MYO16: variants seen among roughly 807,000 people sequenced by gnomAD.
MYO16 encodes myosin XVI, also known as unconventional myosin-XVI.
MYO16 carries 94 observed loss-of-function variants against 205.3 expected under a neutral mutation model. That is an observed-to-expected ratio of 0.46 (90% CI 0.39 to 0.54). The LOEUF is 0.54. Ranked by LOEUF, MYO16 falls within the 20% of genes least tolerant of loss-of-function variation. MYO16 has a pLI of 0.00. For missense variants in MYO16, 2,315 were observed against 2,387.5 expected (o/e 0.97, Z 0.63); for synonymous variants, 988 against 954.0 (o/e 1.04, Z -0.66).
Position 108,765,115 on chromosome 13 carries a change from T to C in MYO16, c.508-20520T>C, listed in dbSNP as rs556660398. Among the ~76,000 whole-genome samples the C allele has an allele frequency of 1.4e-4, 22 of 152,272 alleles. No individual in the cohort carries two copies. In the South Asian group the frequency reaches 3.9e-3, roughly 27 times the overall value. On this transcript the variant is annotated intron_variant, in intron 4 of 34. Coordinates refer to ENST00000457511, the MANE Select transcript of MYO16 (RefSeq NM_001198950.3). ...CTCCACTCTCCCTCTTCCACACACA[T>C]AGGTAAATCATACAAAAAGTAGGTG...
chr13:108,846,855 CTA>C (rs1213624656), intron 10 of MYO16, among the ~76,000 whole-genome samples: 1 of 152,030 alleles, frequency 6.6e-6, no homozygotes, highest in African/African-American at 2.4e-5. Flanking sequence ...TTCAAATTAA[CTA>C]ACATTCAAAA....
At chr13:108,972,854 C>A in intron 20 of MYO16, among the ~76,000 whole-genome samples, 1 of 151,602 alleles carries the variant, frequency 6.6e-6, no homozygotes, top group Non-Finnish European at 1.5e-5. Flanking sequence ...TGTGGGTTTT[C>A]TTTTTTTGTT....
At chr13:108,903,530 T>C (rs1880815713) in intron 15 of MYO16, among the ~76,000 whole-genome samples, 1 of 152,188 alleles carries the variant, frequency 6.6e-6, no homozygotes, top group Admixed American at 6.5e-5. Flanking sequence ...ATGTATTTTT[T>C]GTAGGGCAAA....
intron 4 of MYO16, among the ~76,000 whole-genome samples, chr13:108,749,023 A>G (rs4771601): frequency 0.45 from 68,224 of 151,694 alleles, 15,468 homozygotes; most frequent in East Asian, 0.55. Flanking sequence ...CTCTTTTTTC[A>G]GTTTGGCAGG....
At chr13:108,685,280 C>T (rs971080918) in intron 2 of MYO16, among the ~76,000 whole-genome samples, 2 of 152,094 alleles carry the variant, frequency 1.3e-5, no homozygotes, top group Admixed American at 6.5e-5. Flanking sequence ...CTCGGCCTCC[C>T]AAAGTGCTGG....
intron 20 of MYO16, among the ~76,000 whole-genome samples, chr13:108,978,639 A>G (rs1884354061): frequency 6.6e-6 from 1 of 151,746 alleles, no homozygotes; most frequent in African/African-American, 2.4e-5. Context: ...ATTTATTTTC[A>G]TTAGTGAGAT....
At chr13:108,763,826 G>T (rs866716678) in intron 4 of MYO16, among the ~76,000 whole-genome samples, 1 of 130,548 alleles carries the variant, frequency 7.7e-6, no homozygotes, top group Admixed American at 7.5e-5. Context: ...TGTGTGTGTC[G>T]TGTATGTATA....
chr13:108,644,287 C>T (rs1880638376), intron 1 of MYO16, among the ~76,000 whole-genome samples: 2 of 152,146 alleles, frequency 1.3e-5, no homozygotes, highest in African/African-American at 4.8e-5. Flanking sequence ...CTTACACTCC[C>T]ACCACTCCAC....
At chr13:108,808,469 G>T (rs550949220) in intron 7 of MYO16, among the ~76,000 whole-genome samples, 1 of 151,662 alleles carries the variant, frequency 6.6e-6, no homozygotes, top group South Asian at 2.1e-4. Flanking sequence ...TCACCACCAC[G>T]CCTGGCTAAT....
chr13:109,148,147 T>C (rs1406834062), intron 32 of MYO16, among the ~76,000 whole-genome samples: 2 of 152,252 alleles, frequency 1.3e-5, no homozygotes, highest in Non-Finnish European at 1.5e-5. Flanking sequence ...TGTGTTCATC[T>C]ACACTTCGAA....
Position 108,806,794 on chromosome 13 carries a change from A to G in MYO16, c.857A>G (p.Lys286Arg). ...TGGACTCCCCTCCACTTGGCAGCCAAATATGGCCAGGTAGAGTGATTTGCT... is the reference window on the plus strand; with the variant it reads ...TGGACTCCCCTCCACTTGGCAGCCAGATATGGCCAGGTAGAGTGATTTGCT... ...QYWTPLHLAAKYGQTNLVKLL... is the reference protein window; with the variant it reads ...QYWTPLHLAARYGQTNLVKLL... Residue 286 changes from lysine to arginine, a missense_variant, in exon 7 of 35, where the codon AAA (lysine) becomes AGA (arginine). By Grantham distance (26) the Lys-to-Arg change is conservative. Transcript: ENST00000457511. The G allele has an allele frequency of 6.5e-7, 1 of 1,548,876 alleles. No homozygotes were observed. Among genetic ancestry groups the G allele is most frequent in the South Asian group, 1.3e-5 (1 of 75,546 alleles).
chr13:108,611,967 T>C lies in MYO16; in HGVS notation c.-39+15728T>C, dbSNP rs1014470563. On this transcript the variant is annotated intron_variant, in intron 1 of 24. Coordinates refer to the MYO16 transcript ENST00000251041. Reference sequence around the variant, plus strand: ...GAAGGCAGGTAATATTCTTTTTTTTTTTTTCTTTTTTTTTTTTTTTTTTTT... The same window carrying C: ...GAAGGCAGGTAATATTCTTTTTTTTCTTTTCTTTTTTTTTTTTTTTTTTTT... Among the ~76,000 whole-genome samples the C allele has an allele frequency of 5.7e-5, 8 of 141,394 alleles. No individual in the cohort carries two copies. In the East Asian group the frequency reaches 1.5e-3, roughly 26 times the overall value. 92.8% of individuals were successfully genotyped at this position (141,394 alleles called of 152,430 possible).
chr13:108,604,159 T>C (rs1878867094), intron 1 of MYO16, among the ~76,000 whole-genome samples: 1 of 152,122 alleles, frequency 6.6e-6, no homozygotes. Context: ...ACTACCCCCA[T>C]GATTAATCAC....
intron 20 of MYO16, among the ~76,000 whole-genome samples, chr13:108,988,357 G>T (rs1238701274): frequency 2.0e-5 from 3 of 152,084 alleles, no homozygotes; most frequent in Non-Finnish European, 4.4e-5. Context: ...AAATGATCAT[G>T]TTATGCCTGT....
intron 28 of MYO16, among the ~76,000 whole-genome samples, chr13:109,110,621 T>C (rs1437798412): frequency 6.6e-6 from 1 of 152,202 alleles, no homozygotes; most frequent in Non-Finnish European, 1.5e-5. Context: ...AAATGTATCC[T>C]TTGAGAACGT....
intron 31 of MYO16, among the ~76,000 whole-genome samples, chr13:109,131,897 T>A (rs1056504917): frequency 1.3e-5 from 2 of 152,176 alleles, no homozygotes; most frequent in African/African-American, 4.8e-5. Context: ...TTCATGCGTG[T>A]GACTTTGAAG....
At chr13:108,732,472 GGGTGCAA>G (rs1476834417) in intron 4 of MYO16, among the ~76,000 whole-genome samples, 1 of 152,212 alleles carries the variant, frequency 6.6e-6, no homozygotes, top group African/African-American at 2.4e-5. Context: ...GTGGATACGT[GGGTGCAA>G]GTGTGCCAGC....
At chr13:108,628,229 C>T (rs753442704), upstream of MYO16, among the ~76,000 whole-genome samples, 1 of 152,140 alleles carries the variant, frequency 6.6e-6, no homozygotes, top group African/African-American at 2.4e-5. Context: ...GTGACAGTGA[C>T]TCTCAATAAT....
At chr13:108,781,315 C>T (rs1159196883) in intron 4 of MYO16, among the ~76,000 whole-genome samples, 1 of 152,218 alleles carries the variant, frequency 6.6e-6, no homozygotes, top group Non-Finnish European at 1.5e-5. Flanking sequence ...AGGTTTAAGT[C>T]CAGGTTCCAG....
Sources: gnomAD v4.1 joint callset for allele counts (sites outside exome capture counted in the v4.1 genomes callset) on GRCh38, gnomAD v4.1.1 for gene constraint, MANE v1.5 for transcripts, NCBI Gene and HGNC (gene_info 2026-07-23, HGNC 2026-07-21) for gene names.